Variants in FOXN3 observed in about 807,000 individuals in gnomAD.
FOXN3 encodes forkhead box N3, also known as forkhead box protein N3.
A neutral mutation model predicts 38.4 loss-of-function variants in FOXN3; 7 were observed. The observed-to-expected ratio is 0.18, with a 90% CI of 0.10 to 0.34. The LOEUF (loss-of-function observed/expected upper bound fraction) is 0.34. Among genes scored for constraint, FOXN3 ranks in the 10% least tolerant of loss-of-function variants. The pLI is 1.00. For synonymous variants in FOXN3, 230 were observed against 242.2 expected (o/e 0.95, Z 0.47); for missense variants, 456 against 613.4 (o/e 0.74, Z 2.71).
chr14:89,409,669 C>T (rs879281039), intron 2 of FOXN3, among the ~76,000 whole-genome samples: 8 of 152,180 alleles, frequency 5.3e-5, no homozygotes, highest in Non-Finnish European at 8.8e-5. Context: ...TTCTTCTCCA[C>T]GTTCTCAGTC....
intron 5 of FOXN3, among the ~76,000 whole-genome samples, chr14:89,173,309 T>C (rs1193033334): frequency 2.0e-5 from 3 of 152,218 alleles, no homozygotes; most frequent in East Asian, 3.8e-4. Context: ...ATGACAATTC[T>C]AAATGTGTGT....
intron 3 of FOXN3, among the ~76,000 whole-genome samples, chr14:89,339,286 TC>T (rs2139996294): frequency 6.6e-6 from 1 of 152,254 alleles, no homozygotes; most frequent in South Asian, 2.1e-4. Context: ...AGACAAGTAT[TC>T]TTATGCCACA....
At chr14:89,372,411 G>C (rs977386172) in intron 2 of FOXN3, among the ~76,000 whole-genome samples, 28 of 152,318 alleles carry the variant, frequency 1.8e-4, no homozygotes, top group African/African-American at 4.6e-4. Flanking sequence ...TTCAGAGTCA[G>C]TCTAAACGCA....
At chr14:89,323,445 G>A (rs930942010) in intron 3 of FOXN3, among the ~76,000 whole-genome samples, 1 of 151,988 alleles carries the variant, frequency 6.6e-6, no homozygotes, top group Non-Finnish European at 1.5e-5. Context: ...ACCCGGCTGG[G>A]CACAGTGGTT....
chr14:89,350,893 CTTT>C lies in FOXN3; in HGVS notation c.544-88_544-86del, dbSNP rs1015159726. 2.4e-5 allele frequency: 25 copies of C among 1,032,230 alleles called. No individual in the cohort carries two copies. In the African/African-American group the frequency reaches 3.8e-4, roughly 16 times the overall value. The allele number at this position is 1,032,230 out of a possible 1,614,324, so 63.9% of individuals were successfully genotyped here. Reference sequence around the variant, plus strand: ...AGTAGATGTATAGCTATTATCACTTCTTTATTTTTAAAAGCTTCTCATTTGTTG... The same window carrying C: ...AGTAGATGTATAGCTATTATCACTTCATTTTTAAAAGCTTCTCATTTGTTG... On this transcript the variant is annotated intron_variant, in intron 2 of 5. Transcript: ENST00000557258.
intron 3 of FOXN3, among the ~76,000 whole-genome samples, chr14:89,349,264 G>T (rs572990435): frequency 1.3e-5 from 2 of 152,300 alleles, no homozygotes; most frequent in South Asian, 4.1e-4. Flanking sequence ...TTCTGGACAT[G>T]TCTACTATGT....
chr14:89,363,981 TATATATA>T (rs1419303513), intron 2 of FOXN3, among the ~76,000 whole-genome samples: 13 of 92,576 alleles, frequency 1.4e-4, no homozygotes, highest in East Asian at 7.3e-4. Context: ...TATATATATA[TATATATA>T]ATATATATAT....
At chr14:89,224,243 G>C (rs569022485) in intron 4 of FOXN3, among the ~76,000 whole-genome samples, 1 of 152,086 alleles carries the variant, frequency 6.6e-6, no homozygotes, top group Non-Finnish European at 1.5e-5. Context: ...TAATAAGTTC[G>C]ATTTCCTTTA....
At chr14:89,518,388 C>G (rs971332165) in intron 1 of FOXN3, among the ~76,000 whole-genome samples, 3 of 152,168 alleles carry the variant, frequency 2.0e-5, no homozygotes, top group Admixed American at 1.3e-4. Context: ...ATCTTGTGAC[C>G]TTGCTCTCCT....
At chr14:89,584,269 T>C (rs1895802602) in intron 1 of FOXN3, among the ~76,000 whole-genome samples, 1 of 151,938 alleles carries the variant, frequency 6.6e-6, no homozygotes, top group African/African-American at 2.4e-5. Flanking sequence ...GGCATGGTGG[T>C]GTGTGCCTAT....
intron 4 of FOXN3, among the ~76,000 whole-genome samples, chr14:89,205,253 A>C (rs1747405698): frequency 6.6e-6 from 1 of 152,024 alleles, no homozygotes. Flanking sequence ...GTTGAAACCG[A>C]ATCACCAAGG....
rs1887178267 is a variant in FOXN3, at chr14:89,164,132, G to A, written c.852-1163C>T. On this transcript the variant is annotated intron_variant, in intron 5 of 5. Coordinates refer to ENST00000557258, the MANE Select transcript of FOXN3 (RefSeq NM_005197.4). This position sits in a 1 kb window ranked among gnomAD's most constrained non-coding sequence, Gnocchi z 4.3. ...GGCTTGGCCTGACAGCAATGGCTGT[G>A]AAGCTTATTCCTGGTTAGGACCCAT... 1.3e-5 allele frequency among the ~76,000 whole-genome samples: 2 copies of A among 152,210 alleles called. No individual in the cohort carries two copies. The highest frequency in any genetic ancestry group is 4.1e-4 in the South Asian group (2 of 4,834).
chr14:89,350,583 G>T, intron 3 of FOXN3, 89 bp downstream of exon 3: 3 of 1,132,556 alleles, frequency 2.6e-6, no homozygotes, highest in Non-Finnish European at 3.6e-6. Context: ...TTAAAATCTC[G>T]TACGGCCTAT....
At chr14:89,614,616 G>A (rs74082521) in intron 1 of FOXN3, among the ~76,000 whole-genome samples, 3,867 of 152,298 alleles carry the variant, frequency 0.025, 145 homozygotes, top group African/African-American at 0.088. Context: ...CTTCTCTAGA[G>A]AACATTTTAG....
chr14:89,425,052 G>GT, intron 1 of FOXN3, among the ~76,000 whole-genome samples: 1 of 115,958 alleles, frequency 8.6e-6, no homozygotes, highest in African/African-American at 3.2e-5. Flanking sequence ...GTTTTGTTTT[G>GT]TTTTCTTTTC....
intron 1 of FOXN3, among the ~76,000 whole-genome samples, chr14:89,591,500 A>T (rs440220): frequency 0.02 from 2,985 of 152,320 alleles, 47 homozygotes; most frequent in Non-Finnish European, 0.028. Context: ...TCCCCAGTCC[A>T]TGAGCAGCGC....
chr14:89,360,705 ACCT>A, intron 2 of FOXN3, among the ~76,000 whole-genome samples: 3 of 145,748 alleles, frequency 2.1e-5, no homozygotes, highest in Admixed American at 1.4e-4. Flanking sequence ...AGCTACCACC[ACCT>A]CCAGCACTAC....
chr14:89,492,487 A>C (rs896689543), intron 1 of FOXN3, among the ~76,000 whole-genome samples: 6 of 152,114 alleles, frequency 3.9e-5, no homozygotes, highest in African/African-American at 1.4e-4. Flanking sequence ...TAATCTCAGC[A>C]CTTTGGGAGG....
intron 1 of FOXN3, among the ~76,000 whole-genome samples, chr14:89,415,875 CA>C (rs1263062502): frequency 7.9e-5 from 12 of 151,448 alleles, no homozygotes; most frequent in Non-Finnish European, 1.5e-4. Flanking sequence ...CACACACACA[CA>C]CACACACCCT....
Sources: allele counts gnomAD v4.1 joint callset (sites outside exome capture counted in the v4.1 genomes callset), GRCh38; gene constraint gnomAD v4.1.1; non-coding constraint Gnocchi (gnomAD v3.1); transcripts MANE v1.5; gene names NCBI Gene and HGNC (gene_info 2026-07-23, HGNC 2026-07-21).